Variants in TMEM132A observed in about 807,000 individuals in gnomAD.
The protein encoded by TMEM132A is transmembrane protein 132A.
Under a neutral mutation model 69.9 loss-of-function variants are expected in TMEM132A, and 48 were observed. The observed-to-expected ratio is 0.69, with a 90% CI of 0.55 to 0.87. The LOEUF (loss-of-function observed/expected upper bound fraction) is 0.87, where lower values mean the gene tolerates loss of function less well. Ranked by LOEUF, TMEM132A falls within the 40% of genes least tolerant of loss-of-function variation. TMEM132A has a pLI of 0.00. For synonymous variants in TMEM132A, 577 were observed against 613.7 expected, an observed-to-expected ratio of 0.94 and a Z score of 0.88; for missense variants, 1,287 against 1,407.2, an observed-to-expected ratio of 0.91 and a Z score of 1.37.
intron 4 of TMEM132A, 89 bp downstream of exon 4, chr11:60,929,049 G>A: frequency 7.3e-7 from 1 of 1,376,494 alleles, no homozygotes; most frequent in African/African-American, 1.4e-5. Flanking sequence ...GGTCCTTGCT[G>A]GAATCCTTGA....
At position 60,935,902 on chromosome 11, in the gene TMEM132A, C is replaced by T. The variant is rs779260381; in HGVS notation, c.2067C>T (p.His689=). 1.2e-5 allele frequency: 19 copies of T among 1,612,004 alleles called. No individual in the cohort carries two copies. In the East Asian group the frequency reaches 4.0e-4, roughly 34 times the overall value. Residue 689 remains histidine (H), a synonymous_variant, in exon 11 of 11, where the codon CAC becomes CAT. Coordinates refer to ENST00000453848, the MANE Select transcript of TMEM132A (RefSeq NM_178031.3). The surrounding 1 kb of genome is among the most constrained non-coding windows in gnomAD (Gnocchi z 5.0). The part of the protein sequence containing the change: ...ALSLWLSFSD[H]TVAPAELYDR... ...CCCTATGGCTGTCCTTCTCTGATCA[C>T]ACTGTGGCCCCAGCTGAGCTCTACG...
At position 60,928,979 on chromosome 11, in the gene TMEM132A, G is replaced by C. The variant is rs555494719; in HGVS notation, c.866+19G>C. On this transcript the variant is annotated intron_variant, in intron 4 of 10. Coordinates refer to ENST00000453848, the MANE Select transcript of TMEM132A (RefSeq NM_178031.3). ...CCCTGCGGTGAGCACCAGGCCACGG[G>C]GATGGGTGAGGGTGGGAACCTCTGT... 1.2e-6 allele frequency: 2 copies of C among 1,610,464 alleles called. No homozygotes were observed. The highest frequency in any genetic ancestry group is 1.1e-5 in the South Asian group (1 of 91,072).
At position 60,936,772 on chromosome 11, in the gene TMEM132A, G is replaced by A; in HGVS notation, c.2937G>A (p.Glu979=). The change falls in exon 11 of 11, where the codon GAG becomes GAA. Residue 979 remains glutamate (E), a synonymous_variant. Coordinates refer to ENST00000453848, the MANE Select transcript of TMEM132A (RefSeq NM_178031.3). Reference sequence around the variant, plus strand: ...CCCCTCCAGCCCAGTCACCTGAGGAGCCTGTAGGGGCCCCTGCTGTGCAGT... The same window carrying A: ...CCCCTCCAGCCCAGTCACCTGAGGAACCTGTAGGGGCCCCTGCTGTGCAGT... ...APAPPAQSPE[E]PVGAPAVQSI... is the part of the protein sequence containing the mutation. 1.2e-6 allele frequency: 2 copies of A among 1,612,832 alleles called. No individual in the cohort carries two copies. Among genetic ancestry groups the A allele is most frequent in the Non-Finnish European group, 8.5e-7 (1 of 1,179,572 alleles).
In TMEM132A at chr11:60,924,543, G is replaced by A. The variant is rs1856307360; in HGVS notation, c.-91G>A. 4.6e-6 allele frequency: 5 copies of A among 1,082,590 alleles called. No homozygotes were observed. The South Asian group carries it at 6.4e-5, about 14-fold the overall frequency. 67.1% of individuals were successfully genotyped at this position (1,082,590 alleles called of 1,614,324 possible). A position where few individuals can be genotyped will look rare whatever the true frequency, so the allele number is the denominator to read the frequency against. On this transcript the variant is annotated 5_prime_UTR_variant, in exon 1 of 11. Transcript: ENST00000453848. ...GCGGCGGCCGGGACCCAGCGGGCCA[G>A]GTGGGGACGGCGCGGAGCGGGTGCG...
At position 60,930,730 on chromosome 11, in the gene TMEM132A, G is replaced by A. The variant is rs191871376; in HGVS notation, c.1016+71G>A. 1,058 of 1,445,178 alleles carry A rather than the reference G, an allele frequency of 7.3e-4. 1 individual carries two copies. Among genetic ancestry groups the A allele is most frequent in the Non-Finnish European group, 8.8e-4 (954 of 1,087,946 alleles). The allele number at this position is 1,445,178 out of a possible 1,614,324, so 89.5% of individuals were successfully genotyped here. ...TTATAGAGTGCAGTTGAGCAGATTT[G>A]GAGGCTGCCATGCTGCCTCTAGATC... is the stretch of plus-strand genomic sequence containing the variant. On this transcript the variant is annotated intron_variant, in intron 5 of 10. Transcript: ENST00000453848.
chr11:60,924,501 GGGCGGC>G lies in TMEM132A; in HGVS notation c.-114_-109del, dbSNP rs540977711. 4.1e-5 allele frequency: 20 copies of G among 484,950 alleles called. No individual in the cohort carries two copies. Among genetic ancestry groups the G allele is most frequent in the Non-Finnish European group, 5.2e-5 (16 of 307,676 alleles). 30.0% of individuals were successfully genotyped at this position (484,950 alleles called of 1,614,324 possible). A position where few individuals can be genotyped will look rare whatever the true frequency, so the allele number is the denominator to read the frequency against. ...TGTCTGGGAATTGCAGCCGCGGGGC[GGGCGGC>G]GGCGGCGGCGGCGGCGGCCGGGACC... On this transcript the variant is annotated 5_prime_UTR_variant, in exon 1 of 11. Transcript: ENST00000453848.
chr11:60,933,056 G>A (rs370176712), intron 7 of TMEM132A: 1 of 153,278 alleles, frequency 6.5e-6, no homozygotes, highest in South Asian at 2.0e-4. Flanking sequence ...CTTAAACAAA[G>A]AACAGGGGCT....
chr11:60,924,864 A>G (rs1856316303), intron 1 of TMEM132A, 131 bp downstream of exon 1: 2 of 649,442 alleles, frequency 3.1e-6, no homozygotes, highest in South Asian at 2.0e-5. Context: ...CAGCGCCCTG[A>G]AGGTCGGAGA....
rs753138990 is a variant in TMEM132A, at chr11:60,934,618, C to T, written c.1690C>T (p.Arg564Cys). Residue 564 changes from arginine (R) to cysteine (C), a missense_variant, in exon 9 of 11, where the codon CGC (arginine) becomes TGC (cysteine). Transcript: ENST00000453848. ...FAAHPLDGGR[R>C]LTHLLGPDWL... ...GGCCCACCCGCTGGACGGCGGCCGC[C>T]GCCTCACGCACCTGCTTGGCCCCGA... is the stretch of plus-strand genomic sequence containing the variant. 6 of 1,584,480 alleles carry T rather than the reference C, an allele frequency of 3.8e-6. No individual in the cohort carries two copies. In the Admixed American group the frequency reaches 6.9e-5, roughly 18 times the overall value.
Position 60,931,834 on chromosome 11 carries a change from G to A in TMEM132A, c.1162G>A (p.Glu388Lys). The A allele has an allele frequency of 1.2e-6, 2 of 1,614,258 alleles. No homozygotes were observed. Among genetic ancestry groups the A allele is most frequent in the South Asian group, 2.2e-5 (2 of 91,082 alleles). ...AGCAGAGAAGGACAAAATGGTGTGGGAAATCCTGGTGTCTGAGCGGGACAT... is the reference window on the plus strand; with the variant it reads ...AGCAGAGAAGGACAAAATGGTGTGGAAAATCCTGGTGTCTGAGCGGGACAT... ...PEAEKDKMVW[E>K]ILVSERDIRA... is the part of the protein sequence containing the mutation. Residue 388 changes from glutamate (E) to lysine (K), a missense_variant, in exon 6 of 11, where the codon GAA (glutamate) becomes AAA (lysine). By Grantham distance (56) the Glu-to-Lys change is moderately conservative. Coordinates refer to ENST00000453848, the MANE Select transcript of TMEM132A (RefSeq NM_178031.3).
Position 60,934,651 on chromosome 11 carries a change from C to T in TMEM132A, c.1723C>T (p.Leu575=), listed in dbSNP as rs1590629698. 1 of 1,596,046 alleles carries T rather than the reference C, an allele frequency of 6.3e-7. No homozygotes were observed. The highest frequency in any genetic ancestry group is 8.5e-7 in the Non-Finnish European group (1 of 1,178,210). The change falls in exon 9 of 11, where the codon CTA becomes TTA. Residue 575 remains leucine, a synonymous_variant. Coordinates refer to ENST00000453848, the MANE Select transcript of TMEM132A (RefSeq NM_178031.3). The part of the protein sequence containing the change: ...LTHLLGPDWL[L]DVSHLVAPHA... ...GCACCTGCTTGGCCCCGACTGGCTG[C>T]TAGACGTGTCCCACCTCGTGGCGCC...
chr11:60,933,939 TCTC>T (rs1406425597), intron 8 of TMEM132A, 195 bp downstream of exon 8: 1 of 589,832 alleles, frequency 1.7e-6, no homozygotes, highest in Non-Finnish European at 3.0e-6. Flanking sequence ...TCCGCATCCC[TCTC>T]CTCCTTCCCT....
In TMEM132A at chr11:60,935,819, G is replaced by A. The variant is rs760709506; in HGVS notation, c.2029-45G>A. ...GTGGGAGTGGTTTCTCTGTGCATGC[G>A]TGCGTGCCCTCGCATGTCTCTGCCT... On this transcript the variant is annotated intron_variant, in intron 10 of 10. Coordinates refer to ENST00000453848, the MANE Select transcript of TMEM132A (RefSeq NM_178031.3). The surrounding 1 kb of genome is among the most constrained non-coding windows in gnomAD (Gnocchi z 5.0). 19 of 1,597,964 alleles carry A rather than the reference G, an allele frequency of 1.2e-5. 1 individual carries two copies. Among genetic ancestry groups the A allele is most frequent in the Middle Eastern group, 2.3e-4 (1 of 4,376 alleles).
At chr11:60,930,433 T>A in intron 4 of TMEM132A, 77 bp from the exon 5 acceptor site, 12 of 1,478,652 alleles carry the variant, frequency 8.1e-6, no homozygotes, top group Non-Finnish European at 1.1e-5. Context: ...TGGCTTTGGC[T>A]CCTTGTCTTT....
chr11:60,928,960 G>T lies in TMEM132A; in HGVS notation c.866G>T (p.Arg289Leu). 1 of 1,611,988 alleles carries T rather than the reference G, an allele frequency of 6.2e-7. No individual in the cohort carries two copies. Among genetic ancestry groups the T allele is most frequent in the Non-Finnish European group, 8.5e-7 (1 of 1,180,008 alleles). The change falls in exon 4 of 11, where the codon CGG (arginine) becomes CTG (leucine). Residue 289 changes from arginine (R) to leucine (L), a missense_variant and splice_region_variant. Coordinates refer to ENST00000453848, the MANE Select transcript of TMEM132A (RefSeq NM_178031.3). ...HNFTASLLTL[R>L]IKVKKGLHVT... ...TTCACAGCCAGCCTCCTGACCCTGCGGTGAGCACCAGGCCACGGGGATGGG... is the reference window on the plus strand; with the variant it reads ...TTCACAGCCAGCCTCCTGACCCTGCTGTGAGCACCAGGCCACGGGGATGGG...
Position 60,927,858 on chromosome 11 carries a change from A to T in TMEM132A, c.533A>T (p.Gln178Leu). ...AGTAHQACRF[Q>L]PSLGACVVEL... ...ACTGCTCACCAAGCCTGCCGCTTCC[A>T]GGTGAGTAGACAGGCCCCACCTAGG... is the stretch of plus-strand genomic sequence containing the variant. The change falls in exon 3 of 11, where the codon CAG becomes CTG. Residue 178 changes from glutamine to leucine, a missense_variant and splice_region_variant. Gln to Leu is a moderately radical substitution (Grantham distance 113). Coordinates refer to ENST00000453848, the MANE Select transcript of TMEM132A (RefSeq NM_178031.3). 1.2e-6 allele frequency: 2 copies of T among 1,607,170 alleles called. No individual in the cohort carries two copies. The highest frequency in any genetic ancestry group is 1.7e-6 in the Non-Finnish European group (2 of 1,178,322).
At position 60,928,846 on chromosome 11, in the gene TMEM132A, C is replaced by G. The variant is rs1166343595; in HGVS notation, c.752C>G (p.Pro251Arg). The change falls in exon 4 of 11, where the codon CCT becomes CGT. Residue 251 changes from proline to arginine, a missense_variant. Transcript: ENST00000453848. Reference sequence around the variant, plus strand: ...GACCCCCCGCAGTACCAGGAGGTACCTCTGGACGAGGCTGTGACTCTGCGG... The same window carrying G: ...GACCCCCCGCAGTACCAGGAGGTACGTCTGGACGAGGCTGTGACTCTGCGG... ...PADPPQYQEVPLDEAVTLRVP... is the reference protein window; with the variant it reads ...PADPPQYQEVRLDEAVTLRVP... The G allele has an allele frequency of 6.2e-7, 1 of 1,612,756 alleles. No individual in the cohort carries two copies.
rs763051564 is a variant in TMEM132A at position 60,927,117 on chromosome 11, C to T, written c.101-87C>T. ...ACAGCCCTTTTCTCCCTCCCTTGCCCACAACTACTGTGCCCCAGCATGGCA... is the reference window on the plus strand; with the variant it reads ...ACAGCCCTTTTCTCCCTCCCTTGCCTACAACTACTGTGCCCCAGCATGGCA... On this transcript the variant is annotated intron_variant, in intron 1 of 10. Transcript: ENST00000453848. The T allele has an allele frequency of 3.6e-6, 4 of 1,100,384 alleles. No homozygotes were observed. The East Asian group carries it at 9.4e-5, about 26-fold the overall frequency. The allele number at this position is 1,100,384 out of a possible 1,614,324, so 68.2% of individuals were successfully genotyped here.
At position 60,936,026 on chromosome 11, in the gene TMEM132A, G is replaced by A. The variant is rs1384748595; in HGVS notation, c.2191G>A (p.Ala731Thr). ...CCAGCTCGGGGTGGTGGTGAGTGGG[G>A]CAGGCGCCGAGGGGCTGCCGCTGCA... ...GAQLGVVVSG[A>T]GAEGLPLHVA... The change falls in exon 11 of 11, where the codon GCA becomes ACA. Residue 731 changes from alanine (A) to threonine (T), a missense_variant. Transcript: ENST00000453848. 1 of 1,601,792 alleles carries A rather than the reference G, an allele frequency of 6.2e-7. No homozygotes were observed. Among genetic ancestry groups the A allele is most frequent in the African/African-American group, 1.3e-5 (1 of 74,702 alleles).
Sources: allele counts gnomAD v4.1 joint callset, GRCh38; gene constraint gnomAD v4.1.1; non-coding constraint Gnocchi (gnomAD v3.1); transcripts MANE v1.5; gene names NCBI Gene and HGNC (gene_info 2026-07-23, HGNC 2026-07-21).